The following PPFIA2 variants were observed in gnomAD, a reference collection of about 807,000 sequenced individuals.
PPFIA2 encodes liprin-alpha-2.
In PPFIA2, 46 loss-of-function variants were observed where a neutral mutation model predicts 175.5. The ratio of observed to expected loss-of-function variants is 0.26; its 90% CI spans 0.21 to 0.34. The LOEUF (loss-of-function observed/expected upper bound fraction) is 0.34, where lower values mean the gene tolerates loss of function less well. Among genes scored for constraint, PPFIA2 ranks in the 10% least tolerant of loss-of-function variants. The pLI, the probability that PPFIA2 is intolerant of heterozygous loss-of-function variation, is 1.00. For missense variants in PPFIA2, 1,179 were observed against 1,506.1 expected (o/e 0.78, Z 3.60); for synonymous variants, 568 against 511.4 (o/e 1.11, Z -1.49).
chr12:81,724,649 C>T (rs1017489380), intron 3 of PPFIA2, among the ~76,000 whole-genome samples: 11 of 151,132 alleles, frequency 7.3e-5, no homozygotes, highest in Non-Finnish European at 1.5e-4. Flanking sequence ...CTGCAAAAGA[C>T]ATGATTTCAT....
At chr12:81,473,432 A>T (rs1057163256) in intron 4 of PPFIA2, among the ~76,000 whole-genome samples, 1 of 152,162 alleles carries the variant, frequency 6.6e-6, no homozygotes, top group East Asian at 1.9e-4. Context: ...AAAAAATTCC[A>T]TATTGGTAGC....
chr12:81,383,963 A>T, intron 9 of PPFIA2, 60 bp downstream of exon 9: 1 of 1,343,180 alleles, frequency 7.4e-7, no homozygotes, highest in East Asian at 2.3e-5. Flanking sequence ...AAATTATGGA[A>T]ACAGTATCTC....
chr12:81,440,136 C>A, intron 6 of PPFIA2, 90 bp from the exon 7 acceptor site: 2 of 912,678 alleles, frequency 2.2e-6, no homozygotes, highest in South Asian at 1.9e-5. Context: ...CAGAGACAGT[C>A]AATTTGGCAA....
chr12:81,484,887 T>C (rs1032364698), intron 4 of PPFIA2, among the ~76,000 whole-genome samples: 24 of 152,060 alleles, frequency 1.6e-4, no homozygotes, highest in African/African-American at 5.5e-4. Flanking sequence ...TAAAATGTTT[T>C]CTTTCTTTGA....
At chr12:81,632,569 A>G (rs17041757) in intron 4 of PPFIA2, among the ~76,000 whole-genome samples, 9,525 of 152,182 alleles carry the variant, frequency 0.063, 412 homozygotes, top group East Asian at 0.25. Flanking sequence ...AAAACTCTAT[A>G]TTGAGCTGAA....
intron 3 of PPFIA2, among the ~76,000 whole-genome samples, chr12:81,698,975 A>G (rs765491281): frequency 6.6e-6 from 1 of 152,130 alleles, no homozygotes; most frequent in Non-Finnish European, 1.5e-5. Context: ...TTTACTATCT[A>G]TGAGTAGCTT....
chr12:81,425,212 G>C lies in PPFIA2; in HGVS notation c.645+14760C>G, dbSNP rs76158854. On this transcript the variant is annotated intron_variant, in intron 7 of 32. Transcript: ENST00000549396. Reference sequence around the variant, plus strand: ...GTGGGGATCCATCAACTTGAAGGTAGGGAAAGGTAAGTAAGTGGTTGGAGC... The same window carrying C: ...GTGGGGATCCATCAACTTGAAGGTACGGAAAGGTAAGTAAGTGGTTGGAGC... Among the ~76,000 whole-genome samples, 226 of 152,276 alleles carry C rather than the reference G, an allele frequency of 1.5e-3. 3 individuals are homozygous for C. The East Asian group carries it at 0.027, about 18-fold the overall frequency.
chr12:81,629,493 C>T (rs2063121332), intron 4 of PPFIA2, among the ~76,000 whole-genome samples: 1 of 152,042 alleles, frequency 6.6e-6, no homozygotes, highest in African/African-American at 2.4e-5. Context: ...TACTCAATGC[C>T]CTCTCTTCCA....
chr12:81,351,099 G>A (rs1046372472), intron 17 of PPFIA2, among the ~76,000 whole-genome samples: 2 of 152,016 alleles, frequency 1.3e-5, no homozygotes, highest in Non-Finnish European at 2.9e-5. Context: ...TAAAATAAAA[G>A]TATCAGAGTG....
chr12:81,368,484 T>A (rs1315778447), intron 13 of PPFIA2, among the ~76,000 whole-genome samples: 3 of 151,794 alleles, frequency 2.0e-5, no homozygotes, highest in Non-Finnish European at 2.9e-5. Flanking sequence ...TTTTAATACA[T>A]TTGCCTCATA....
Position 81,754,046 on chromosome 12 carries a change from G to A in PPFIA2, c.176C>T (p.Ala59Val). 1.2e-5 allele frequency: 19 copies of A among 1,613,848 alleles called. No homozygotes were observed. Among genetic ancestry groups the A allele is most frequent in the Non-Finnish European group, 1.6e-5 (19 of 1,179,872 alleles). The change falls in exon 3 of 33, where the codon GCC becomes GTC. Residue 59 changes from alanine (A) to valine (V), a missense_variant. By Grantham distance (64) the Ala-to-Val change is moderately conservative. Coordinates refer to ENST00000549396, the MANE Select transcript of PPFIA2 (RefSeq NM_003625.5). ...LRETQESLSLAQQRLQDVIYD... is the reference protein window; with the variant it reads ...LRETQESLSLVQQRLQDVIYD... Reference sequence around the variant, plus strand: ...GATGACATCCTGAAGTCTTTGCTGGGCAAGTGAGAGGCTTTCCTGGGTCTC... The same window carrying A: ...GATGACATCCTGAAGTCTTTGCTGGACAAGTGAGAGGCTTTCCTGGGTCTC...
intron 21 of PPFIA2, among the ~76,000 whole-genome samples, chr12:81,333,561 T>TA (rs1479303569): frequency 7.2e-4 from 110 of 152,284 alleles, no homozygotes; most frequent in African/African-American, 2.5e-3. Flanking sequence ...TATCAACTCT[T>TA]ATGTCTGTTA....
rs185589719 is a variant in PPFIA2, at chr12:81,461,387, T to C, written c.304-3521A>G. On this transcript the variant is annotated intron_variant, in intron 4 of 32. Coordinates refer to ENST00000549396, the MANE Select transcript of PPFIA2 (RefSeq NM_003625.5). The stretch of plus-strand genomic sequence containing the variant: ...TCTGGCTAAAAATGGAGTCTCTTTA[T>C]CAAATGTCTCAAGCATTCTGGGATT... 1.8e-4 allele frequency among the ~76,000 whole-genome samples: 28 copies of C among 152,228 alleles called. 1 individual carries two copies. In the East Asian group the frequency reaches 5.2e-3, roughly 28 times the overall value.
At chr12:81,382,366 C>T (rs1270884383) in intron 9 of PPFIA2, among the ~76,000 whole-genome samples, 1 of 151,980 alleles carries the variant, frequency 6.6e-6, no homozygotes, top group Non-Finnish European at 1.5e-5. Context: ...TAGGTAGTCA[C>T]TGAAAAGTTT....
chr12:81,341,172 C>T lies in PPFIA2; in HGVS notation c.2299G>A (p.Ala767Thr). 6.2e-7 allele frequency: 1 copy of T among 1,612,102 alleles called. No individual in the cohort carries two copies. Residue 767 changes from alanine (A) to threonine (T), a missense_variant, in exon 20 of 33, where the codon GCA (alanine) becomes ACA (threonine). Coordinates refer to ENST00000549396, the MANE Select transcript of PPFIA2 (RefSeq NM_003625.5). The part of the protein sequence containing the change: ...VVEEDGREDK[A>T]TIKCETSPPP... ...GGAGAAGTTTCACATTTAATTGTTG[C>T]TTTGTCCTCTCGACCATCTTCTTCC...
intron 4 of PPFIA2, among the ~76,000 whole-genome samples, chr12:81,533,994 C>G (rs1441303203): frequency 6.6e-6 from 1 of 151,382 alleles, no homozygotes; most frequent in Non-Finnish European, 1.5e-5. Flanking sequence ...GCCATAAAAA[C>G]ATGAAATCCT....
chr12:81,441,478 C>T (rs2050163936), intron 6 of PPFIA2, among the ~76,000 whole-genome samples: 1 of 152,056 alleles, frequency 6.6e-6, no homozygotes, highest in Admixed American at 6.6e-5. Flanking sequence ...GATCTTTCAT[C>T]ATATTGAGCT....
chr12:81,361,631 T>C (rs1449258937), intron 15 of PPFIA2, among the ~76,000 whole-genome samples: 1 of 151,660 alleles, frequency 6.6e-6, no homozygotes, highest in East Asian at 1.9e-4. Flanking sequence ...TATTTGAGAA[T>C]CTGAAAAATG....
At chr12:81,457,084 C>T (rs1267978391) in intron 5 of PPFIA2, among the ~76,000 whole-genome samples, 1 of 151,838 alleles carries the variant, frequency 6.6e-6, no homozygotes, top group African/African-American at 2.4e-5. Context: ...CGGTTCACTG[C>T]AGCCTCTGCC....
Sources: allele counts gnomAD v4.1 joint callset (sites outside exome capture counted in the v4.1 genomes callset), GRCh38; gene constraint gnomAD v4.1.1; transcripts MANE v1.5; gene names NCBI Gene and HGNC (gene_info 2026-07-23, HGNC 2026-07-21).